The following IARS1 variants were observed in gnomAD, a reference collection of about 807,000 sequenced individuals.
The protein encoded by IARS1 is isoleucyl-tRNA synthetase 1.
A neutral mutation model predicts 168.2 loss-of-function variants in IARS1; 124 were observed. That is an observed-to-expected ratio of 0.74 (90% CI 0.64 to 0.86). The LOEUF (loss-of-function observed/expected upper bound fraction) is 0.86. Ranked by LOEUF, IARS1 falls within the 40% of genes least tolerant of loss-of-function variation. The pLI, the probability that IARS1 is intolerant of heterozygous loss-of-function variation, is 0.00. For synonymous variants in IARS1, 532 were observed against 529.4 expected, an observed-to-expected ratio of 1.00 and a Z score of -0.07; for missense variants, 1,452 against 1,515.8, an observed-to-expected ratio of 0.96 and a Z score of 0.70.
chr9:92,281,751 C>A (rs1433058624), intron 6 of IARS1, among the ~76,000 whole-genome samples: 1 of 151,746 alleles, frequency 6.6e-6, no homozygotes, highest in Non-Finnish European at 1.5e-5. Context: ...CAATCCCCAA[C>A]AAAAACCAAC....
At chr9:92,276,366 G>A (rs1369595784) in intron 9 of IARS1, among the ~76,000 whole-genome samples, 1 of 152,200 alleles carries the variant, frequency 6.6e-6, no homozygotes, top group Non-Finnish European at 1.5e-5. Context: ...AAGTAATGTG[G>A]GAGGATGTGG....
At chr9:92,249,107 A>C (rs1207282479) in intron 25 of IARS1, among the ~76,000 whole-genome samples, 1 of 152,224 alleles carries the variant, frequency 6.6e-6, no homozygotes, top group Non-Finnish European at 1.5e-5. Flanking sequence ...GACAGTAATT[A>C]AATAAATTAT....
intron 6 of IARS1, 62 bp downstream of exon 6, chr9:92,285,660 A>C: frequency 2.0e-6 from 2 of 1,018,384 alleles, no homozygotes; most frequent in Non-Finnish European, 3.1e-6. Context: ...TACTGTGATC[A>C]TAACTACTCA....
intron 15 of IARS1, 130 bp from the exon 16 acceptor site, chr9:92,265,253 C>T: frequency 1.1e-6 from 1 of 890,918 alleles, no homozygotes; most frequent in Admixed American, 2.8e-5. Context: ...ATCAGCAATT[C>T]TCAAAGGCTT....
At chr9:92,270,782 T>TGAGA (rs1263181535) in intron 12 of IARS1, among the ~76,000 whole-genome samples, 2 of 151,858 alleles carry the variant, frequency 1.3e-5, no homozygotes, top group African/African-American at 4.8e-5. Context: ...GGCGTCAGAG[T>TGAGA]GAGACCCTAT....
At chr9:92,229,641 T>C (rs1826356302) in intron 30 of IARS1, among the ~76,000 whole-genome samples, 1 of 152,226 alleles carries the variant, frequency 6.6e-6, no homozygotes, top group African/African-American at 2.4e-5. Context: ...ACTTTATTAA[T>C]ATATTTGAAC....
At chr9:92,253,904 G>A (rs746925480) in intron 20 of IARS1, 11 of 459,504 alleles carry the variant, frequency 2.4e-5, no homozygotes, top group African/African-American at 2.0e-4. Context: ...GCATAGGCCA[G>A]TGATTCTCAA....
rs140745083 is a variant in IARS1, at chr9:92,256,775, T to C, written c.2042A>G (p.Asn681Ser). The C allele has an allele frequency of 3.7e-6, 6 of 1,613,308 alleles. No individual in the cohort carries two copies. Among genetic ancestry groups the C allele is most frequent in the African/African-American group, 2.7e-5 (2 of 74,904 alleles). The change falls in exon 20 of 34, where the codon AAT becomes AGT. Residue 681 changes from asparagine (N) to serine (S), a missense_variant. Transcript: ENST00000443024. Reference sequence around the variant, plus strand: ...GGGGCTTTCTCTAACCGTGTTCTCATTGTAGAGAAATTCTATTTCTTCCTC... The same window carrying C: ...GGGGCTTTCTCTAACCGTGTTCTCACTGTAGAGAAATTCTATTTCTTCCTC... ...QKEEEIEFLY[N>S]ENTVRESPNI...
chr9:92,215,167 T>C lies in IARS1; in HGVS notation c.3707-4278A>G, dbSNP rs369453762. The stretch of plus-strand genomic sequence containing the variant: ...GCACCCCCCAGCAGGGGCACACTGA[T>C]ACCTCACACGGCAGGGTATTCCAAC... On this transcript the variant is annotated intron_variant, in intron 33 of 33. Coordinates refer to ENST00000443024, the MANE Select transcript of IARS1 (RefSeq NM_002161.6). Among the ~76,000 whole-genome samples, 972 of 152,196 alleles carry C rather than the reference T, an allele frequency of 6.4e-3. 4 individuals carry two copies. Among genetic ancestry groups the C allele is most frequent in the Middle Eastern group, 0.017 (5 of 294 alleles).
In IARS1 at chr9:92,210,595, C is replaced by T. The variant is rs1014535626; in HGVS notation, c.*212G>A. ...TTGTAACCTGCTCCCAACATGACTG[C>T]ATAGGTGTCTAAGGTTAAGTGTGAA... On this transcript the variant is annotated 3_prime_UTR_variant, in exon 34 of 34. Coordinates refer to ENST00000443024, the MANE Select transcript of IARS1 (RefSeq NM_002161.6). 8.2e-6 allele frequency: 4 copies of T among 487,664 alleles called. No individual in the cohort carries two copies. The highest frequency in any genetic ancestry group is 1.5e-5 in the Non-Finnish European group (4 of 269,770). 30.2% of individuals were successfully genotyped at this position (487,664 alleles called of 1,614,324 possible). A position where few individuals can be genotyped will look rare whatever the true frequency, so the allele number is the denominator to read the frequency against.
chr9:92,279,691 A>G (rs1192730027), intron 7 of IARS1, among the ~76,000 whole-genome samples: 2 of 152,236 alleles, frequency 1.3e-5, no homozygotes, highest in East Asian at 3.8e-4. Context: ...CCATTCTTAC[A>G]CAGAATTAAA....
At chr9:92,265,426 G>C (rs1832143516) in intron 15 of IARS1, 54 bp downstream of exon 15, 9 of 1,470,914 alleles carry the variant, frequency 6.1e-6, no homozygotes. Flanking sequence ...CTAGAGACCA[G>C]GTCTTAATAG....
intron 30 of IARS1, chr9:92,240,153 G>A (rs140042148): frequency 1.0e-3 from 156 of 153,862 alleles, no homozygotes; most frequent in Non-Finnish European, 1.7e-3. Context: ...GTTTTTACAT[G>A]TAATATCCAG....
chr9:92,258,178 C>T (rs570348043), intron 19 of IARS1, among the ~76,000 whole-genome samples: 1 of 152,156 alleles, frequency 6.6e-6, no homozygotes, highest in Admixed American at 6.6e-5. Flanking sequence ...CCTGTGACTC[C>T]GCCTTCACTG....
chr9:92,253,255 A>T, intron 21 of IARS1, 107 bp downstream of exon 21: 7 of 715,108 alleles, frequency 9.8e-6, no homozygotes, highest in Non-Finnish European at 1.7e-5. Context: ...AGCTTCAAAA[A>T]CGGAGAGCAA....
Position 92,269,899 on chromosome 9 carries a change from A to C in IARS1, c.1290T>G (p.Asn430Lys). ...TTACTGCTCACCAGTAGCACAGGTC[A>C]TTGTTCCTTAGGAGCTGGTCCACCA... ...ENMVDQLLRN[N>K]DLCYWVPELV... is the part of the protein sequence containing the mutation. Residue 430 changes from asparagine to lysine, a missense_variant, in exon 13 of 34, where the codon AAT becomes AAG. By Grantham distance (94) the Asn-to-Lys change is moderately conservative. Coordinates refer to ENST00000443024, the MANE Select transcript of IARS1 (RefSeq NM_002161.6). 1 of 1,612,044 alleles carries C rather than the reference A, an allele frequency of 6.2e-7. No homozygotes were observed. The highest frequency in any genetic ancestry group is 8.5e-7 in the Non-Finnish European group (1 of 1,178,142).
At chr9:92,261,999 C>T (rs1831598447) in intron 17 of IARS1, among the ~76,000 whole-genome samples, 1 of 151,688 alleles carries the variant, frequency 6.6e-6, no homozygotes, top group South Asian at 2.1e-4. Context: ...ATCCGCCCAC[C>T]ATGGCCTCCC....
intron 33 of IARS1, among the ~76,000 whole-genome samples, chr9:92,212,348 CA>C (rs919846111): frequency 6.6e-6 from 1 of 152,092 alleles, no homozygotes; most frequent in Non-Finnish European, 1.5e-5. Flanking sequence ...GAAAAAGTTC[CA>C]ACTTTGTGGT....
chr9:92,253,357 C>T lies in IARS1; in HGVS notation c.2229+5G>A. ...TTGCTTTTCCCAACAGCAGTCTGCA[C>T]TTACCTTTAATCTTCTGCGGTTCAT... On this transcript the variant is annotated splice_donor_5th_base_variant and intron_variant, in intron 21 of 33. Transcript: ENST00000443024. 6.2e-7 allele frequency: 1 copy of T among 1,603,118 alleles called. No individual in the cohort carries two copies. The highest frequency in any genetic ancestry group is 1.7e-4 in the Middle Eastern group (1 of 6,044).
Sources: allele counts gnomAD v4.1 joint callset (sites outside exome capture counted in the v4.1 genomes callset), GRCh38; gene constraint gnomAD v4.1.1; transcripts MANE v1.5; gene names NCBI Gene and HGNC (gene_info 2026-07-23, HGNC 2026-07-21).